Variants in ATRX observed in about 807,000 individuals in gnomAD.
The protein encoded by ATRX is chromatin remodeler ATRX.
ATRX carries 12 observed loss-of-function variants against 172.6 expected under a neutral mutation model. The ratio of observed to expected loss-of-function variants is 0.07; its 90% CI spans 0.04 to 0.11. The LOEUF is 0.11. Among genes scored for constraint, ATRX ranks in the 10% least tolerant of loss-of-function variants. The pLI is 1.00. For synonymous variants in ATRX, 674 were observed against 594.7 expected (o/e 1.13, Z -1.94); for missense variants, 1,368 against 1,767.4 (o/e 0.77, Z 4.05).
chrX:77,516,905 C>T (rs2063071731), intron 34 of ATRX, among the ~76,000 whole-genome samples: 1 of 111,230 alleles, frequency 9.0e-6, no homozygotes, highest in Admixed American at 9.5e-5. Flanking sequence ...TGGAATAAAA[C>T]TAGAAATCAA....
At chrX:77,628,122 TAA>T (rs1281101998) in intron 19 of ATRX, among the ~76,000 whole-genome samples, 2 of 112,426 alleles carry the variant, frequency 1.8e-5, no homozygotes, top group Admixed American at 1.9e-4. Flanking sequence ...CAAGCCTGAC[TAA>T]AAGAGTCTGT....
chrX:77,732,186 G>A (rs1557176479), intron 1 of ATRX, among the ~76,000 whole-genome samples: 1 of 111,554 alleles, frequency 9.0e-6, no homozygotes, highest in South Asian at 3.7e-4. Context: ...ACACTCACTC[G>A]CTTGTGCCTG....
At chrX:77,761,009 T>A (rs1247023277) in intron 1 of ATRX, among the ~76,000 whole-genome samples, 2 of 112,061 alleles carry the variant, frequency 1.8e-5, no homozygotes, top group Non-Finnish European at 3.8e-5. Flanking sequence ...ATGAATTTTG[T>A]CTTGTTTATT....
chrX:77,686,429 A>G (rs2071558496), intron 7 of ATRX, among the ~76,000 whole-genome samples: 1 of 112,331 alleles, frequency 8.9e-6, no homozygotes, highest in Non-Finnish European at 1.9e-5. Context: ...ACACTGCACT[A>G]CTGCAGCCGG....
chrX:77,670,066 T>C (rs2070471979), intron 10 of ATRX, among the ~76,000 whole-genome samples: 1 of 111,911 alleles, frequency 8.9e-6, no homozygotes, highest in Non-Finnish European at 1.9e-5. Flanking sequence ...AAATGCACGA[T>C]AGGTCATCTG....
intron 9 of ATRX, among the ~76,000 whole-genome samples, chrX:77,679,197 A>AT (rs2071061382): frequency 9.0e-6 from 1 of 110,816 alleles, no homozygotes; most frequent in African/African-American, 3.3e-5. Flanking sequence ...ACAAGGCCCA[A>AT]TTTTTCACAG....
chrX:77,663,350 T>A, intron 12 of ATRX, 32 bp downstream of exon 12: 1 of 1,203,230 alleles, frequency 8.3e-7, no homozygotes, highest in Non-Finnish European at 1.1e-6. Flanking sequence ...TGGTCCAATA[T>A]GTTCTTTACA....
intron 34 of ATRX, among the ~76,000 whole-genome samples, chrX:77,518,852 C>T (rs1557040150): frequency 9.0e-6 from 1 of 111,679 alleles, no homozygotes; most frequent in Non-Finnish European, 1.9e-5. Flanking sequence ...CAAATCCACA[C>T]ACCAGTAAAC....
intron 30 of ATRX, among the ~76,000 whole-genome samples, chrX:77,543,780 G>A (rs1041283692): frequency 1.8e-5 from 2 of 109,801 alleles, no homozygotes; most frequent in African/African-American, 6.6e-5. Context: ...GACACAAGGA[G>A]GGGAATATCA....
intron 15 of ATRX, among the ~76,000 whole-genome samples, chrX:77,649,017 A>C (rs1557115359): frequency 9.0e-6 from 1 of 110,696 alleles, no homozygotes; most frequent in African/African-American, 3.3e-5. Context: ...ATAAAAAATT[A>C]ACCAGGTATG....
At chrX:77,752,677 G>A (rs1483611628) in intron 1 of ATRX, among the ~76,000 whole-genome samples, 3 of 111,961 alleles carry the variant, frequency 2.7e-5, no homozygotes, top group Non-Finnish European at 5.6e-5. Flanking sequence ...CTAGCATGAA[G>A]GGGTGTTGAA....
chrX:77,746,596 C>T (rs1557185037), intron 1 of ATRX, among the ~76,000 whole-genome samples: 1 of 111,523 alleles, frequency 9.0e-6, no homozygotes, highest in Admixed American at 9.6e-5. Context: ...TTCCTATATT[C>T]AACTATTAAA....
intron 16 of ATRX, among the ~76,000 whole-genome samples, chrX:77,635,671 C>T (rs1557107695): frequency 8.9e-6 from 1 of 112,643 alleles, no homozygotes; most frequent in Non-Finnish European, 1.9e-5. Context: ...AACCTACTTG[C>T]TATATCTACC....
At chrX:77,576,467 G>A (rs1421904789) in intron 27 of ATRX, among the ~76,000 whole-genome samples, 4 of 110,494 alleles carry the variant, frequency 3.6e-5, no homozygotes, top group East Asian at 2.8e-4. Context: ...CAAAGAAAGC[G>A]GGGAAATGAG....
chrX:77,518,877 G>A (rs2063138349), intron 34 of ATRX, among the ~76,000 whole-genome samples: 1 of 111,607 alleles, frequency 9.0e-6, no homozygotes, highest in African/African-American at 3.3e-5. Flanking sequence ...TTTTTGCACA[G>A]GTGCCATGAA....
intron 15 of ATRX, among the ~76,000 whole-genome samples, chrX:77,645,839 C>G (rs781810789): frequency 8.9e-6 from 1 of 112,074 alleles, no homozygotes; most frequent in African/African-American, 3.2e-5. Flanking sequence ...GGGAATGGAG[C>G]TGTGGAAGAG....
At chrX:77,748,533 T>G in intron 1 of ATRX, among the ~76,000 whole-genome samples, 1 of 112,285 alleles carries the variant, frequency 8.9e-6, no homozygotes, top group East Asian at 2.8e-4. Flanking sequence ...CCAAAAATAA[T>G]TAAATAAAAA....
At chrX:77,770,761 T>A (rs2076127296) in intron 1 of ATRX, among the ~76,000 whole-genome samples, 1 of 112,458 alleles carries the variant, frequency 8.9e-6, no homozygotes, top group Non-Finnish European at 1.9e-5. Flanking sequence ...CTGCTTTGAA[T>A]ATCAAGAATC....
rs2071748091 is a variant in ATRX at position 77,689,221 on chromosome X, C to G, written c.485-294G>C. On this transcript the variant is annotated intron_variant, in intron 6 of 34. Coordinates refer to ENST00000373344, the MANE Select transcript of ATRX (RefSeq NM_000489.6). ...CCATAAAAAGTTCTAAAACTAGGGG[C>G]CAAGAGCTCTTATTTTGTTATTGCT... is the stretch of plus-strand genomic sequence containing the variant. Among the ~76,000 whole-genome samples, 7 of 111,737 alleles carry G rather than the reference C, an allele frequency of 6.3e-5. No individual in the cohort carries two copies. The Admixed American group carries it at 6.6e-4, about 11-fold the overall frequency.
Sources: gnomAD v4.1 joint callset for allele counts (sites outside exome capture counted in the v4.1 genomes callset) on GRCh38, gnomAD v4.1.1 for gene constraint, MANE v1.5 for transcripts, NCBI Gene and HGNC (gene_info 2026-07-23, HGNC 2026-07-21) for gene names.